The following PRKCB variants were observed in gnomAD, a reference collection of about 807,000 sequenced individuals.
PRKCB encodes the protein protein kinase C beta.
A neutral mutation model predicts 81.5 loss-of-function variants in PRKCB; 13 were observed. That is an observed-to-expected ratio of 0.16 (90% CI 0.10 to 0.25). The LOEUF is 0.25. Among genes scored for constraint, PRKCB ranks in the 10% least tolerant of loss-of-function variants. The pLI is 1.00. For missense variants in PRKCB, 509 were observed against 875.7 expected (o/e 0.58, Z 5.29); for synonymous variants, 335 against 321.4 (o/e 1.04, Z -0.45).
intron 2 of PRKCB, among the ~76,000 whole-genome samples, chr16:23,875,480 G>GATATATATATATATATATATAT (rs71381624): frequency 4.1e-3 from 19 of 4,632 alleles, no homozygotes; most frequent in African/African-American, 8.1e-3. Context: ...CAACTAAAAA[G>GATATATATATATATATATATAT]ATATATATAT....
chr16:23,877,519 T>C (rs7404928), intron 2 of PRKCB, among the ~76,000 whole-genome samples: 32,551 of 152,042 alleles, frequency 0.21, 4,185 homozygotes, highest in South Asian at 0.44. Context: ...GTAAAGCCCA[T>C]GGGTGTTCCC....
At chr16:23,939,890 C>A (rs1006917400) in intron 2 of PRKCB, among the ~76,000 whole-genome samples, 25 of 152,062 alleles carry the variant, frequency 1.6e-4, no homozygotes, top group African/African-American at 6.0e-4. Flanking sequence ...TTCTGCAAAA[C>A]GCTGTTGAGA....
intron 2 of PRKCB, among the ~76,000 whole-genome samples, chr16:23,951,556 C>T (rs1278850093): frequency 6.7e-6 from 1 of 149,564 alleles, no homozygotes; most frequent in East Asian, 2.0e-4. Context: ...AATGGGACTA[C>T]AGGCACACAC....
intron 3 of PRKCB, among the ~76,000 whole-genome samples, chr16:24,021,188 CTCTTTCTTTCTTTCTTTCTTTCTT>C (rs58292773): frequency 8.1e-5 from 5 of 62,068 alleles, no homozygotes; most frequent in South Asian, 1.5e-3. Context: ...CCCTTCCTTC[CTCTTTCTTTCTTTCTTTCTTTCTT>C]TCTTTCTTTC....
intron 2 of PRKCB, among the ~76,000 whole-genome samples, chr16:23,959,317 A>G (rs962721837): frequency 3.9e-5 from 6 of 152,166 alleles, no homozygotes; most frequent in African/African-American, 1.2e-4. Flanking sequence ...ACACTGGCCA[A>G]TCTTTAGGGA....
intron 2 of PRKCB, among the ~76,000 whole-genome samples, chr16:23,921,022 G>T (rs547738150): frequency 5.3e-5 from 8 of 152,276 alleles, no homozygotes; most frequent in Non-Finnish European, 1.0e-4. Flanking sequence ...ATGTGCAGGG[G>T]AACTCCCATT....
chr16:24,078,271 C>CAT (rs1409402926), intron 5 of PRKCB, among the ~76,000 whole-genome samples: 5 of 152,228 alleles, frequency 3.3e-5, no homozygotes, highest in Non-Finnish European at 5.9e-5. Context: ...CTCCTGCCTC[C>CAT]ATGCTTCATG....
At chr16:23,863,780 C>T (rs191651052) in intron 2 of PRKCB, among the ~76,000 whole-genome samples, 2 of 152,166 alleles carry the variant, frequency 1.3e-5, no homozygotes, top group East Asian at 1.9e-4. Context: ...AGACAATGTT[C>T]CAGGCAGAGT....
chr16:23,839,635 C>T (rs1312452876), intron 2 of PRKCB, among the ~76,000 whole-genome samples: 1 of 152,096 alleles, frequency 6.6e-6, no homozygotes, highest in African/African-American at 2.4e-5. Context: ...CAAGAGGCAG[C>T]GTAGAGAAGT....
At chr16:23,928,006 T>C (rs1963919845) in intron 2 of PRKCB, among the ~76,000 whole-genome samples, 1 of 151,828 alleles carries the variant, frequency 6.6e-6, no homozygotes. Flanking sequence ...TGCCAAGAGC[T>C]CATGTAGATT....
intron 16 of PRKCB, among the ~76,000 whole-genome samples, chr16:24,207,324 A>C (rs1968061066): frequency 6.6e-6 from 1 of 152,192 alleles, no homozygotes; most frequent in Non-Finnish European, 1.5e-5. Flanking sequence ...TAGCTTTCAC[A>C]GCTTCTTTTC....
intron 14 of PRKCB, 89 bp from the exon 15 acceptor site, chr16:24,185,370 GC>G (rs1567405612): frequency 7.7e-7 from 1 of 1,296,476 alleles, no homozygotes; most frequent in Non-Finnish European, 1.1e-6. Context: ...TTCACTGTGG[GC>G]CCCAGGGAGG....
chr16:24,023,870 C>T lies in PRKCB; in HGVS notation c.289-8266C>T, dbSNP rs535767101. The stretch of plus-strand genomic sequence containing the variant: ...GTGACTAGAGTGCTAACTCCCAGCA[C>T]AGCCAGGCTCTGCTGTCCATTCCGT... On this transcript the variant is annotated intron_variant, in intron 3 of 16. Coordinates refer to ENST00000643927, the MANE Select transcript of PRKCB (RefSeq NM_002738.7). Among the ~76,000 whole-genome samples the T allele has an allele frequency of 4.6e-5, 7 of 152,326 alleles. No individual in the cohort carries two copies. In the South Asian group the frequency reaches 1.0e-3, roughly 23 times the overall value.
chr16:23,894,822 T>G (rs573296419), intron 2 of PRKCB, among the ~76,000 whole-genome samples: 1 of 152,358 alleles, frequency 6.6e-6, no homozygotes, highest in South Asian at 2.1e-4. Context: ...TCTATTACAT[T>G]TAGGACCTTT....
chr16:24,141,703 C>T (rs539846333), intron 9 of PRKCB, among the ~76,000 whole-genome samples: 21 of 152,280 alleles, frequency 1.4e-4, no homozygotes, highest in Admixed American at 3.3e-4. Flanking sequence ...AGTTGACAGA[C>T]GGTTTGCTGG....
intron 7 of PRKCB, among the ~76,000 whole-genome samples, chr16:24,105,186 A>C (rs1165824391): frequency 6.6e-6 from 1 of 151,890 alleles, no homozygotes; most frequent in East Asian, 1.9e-4. Flanking sequence ...CCTCCCGAGT[A>C]GCAGGGATTA....
intron 2 of PRKCB, among the ~76,000 whole-genome samples, chr16:23,863,224 A>G (rs56093914): frequency 0.3 from 23,482 of 79,332 alleles, 2,463 homozygotes; most frequent in East Asian, 0.52. Context: ...ACATACATAT[A>G]TATGTGTATA....
chr16:23,950,341 T>A (rs955987538), intron 2 of PRKCB, among the ~76,000 whole-genome samples: 2 of 152,104 alleles, frequency 1.3e-5, no homozygotes, highest in African/African-American at 2.4e-5. Context: ...CTCCTGCTTT[T>A]CCTCAGAATG....
intron 8 of PRKCB, among the ~76,000 whole-genome samples, chr16:24,120,883 A>ACCAC (rs1966792136): frequency 6.6e-6 from 1 of 151,770 alleles, no homozygotes; most frequent in South Asian, 2.1e-4. Context: ...ACAGGCACAC[A>ACCAC]CCACCATGCC....
Sources: allele counts gnomAD v4.1 joint callset (sites outside exome capture counted in the v4.1 genomes callset), GRCh38; gene constraint gnomAD v4.1.1; transcripts MANE v1.5; gene names NCBI Gene and HGNC (gene_info 2026-07-23, HGNC 2026-07-21).